Variants in TENM3 observed in about 807,000 individuals in gnomAD.
The protein encoded by TENM3 is teneurin-3.
A neutral mutation model predicts 255.1 loss-of-function variants in TENM3; 63 were observed. That is an observed-to-expected ratio of 0.25 (90% CI 0.20 to 0.30). TENM3 has a LOEUF of 0.30. TENM3 is among the 10% of genes least tolerant of loss of function. TENM3 has a pLI of 1.00. For missense variants in TENM3, 2,929 were observed against 3,461.1 expected (o/e 0.85, Z 3.86); for synonymous variants, 1,306 against 1,322.3 (o/e 0.99, Z 0.27).
chr4:181,520,777 G>A, the TENM3 span, among the ~76,000 whole-genome samples: 1 of 152,106 alleles, frequency 6.6e-6, no homozygotes, highest in Admixed American at 6.5e-5. Context: ...CCAAATGCAG[G>A]CTTTGGTGTA....
the TENM3 span, among the ~76,000 whole-genome samples, chr4:181,601,660 T>C: frequency 1.3e-5 from 2 of 152,208 alleles, no homozygotes; most frequent in African/African-American, 4.8e-5. Flanking sequence ...ATATATTGTT[T>C]AGTTTTAGTT....
At chr4:182,717,695 A>G (rs767618528) in intron 13 of TENM3, among the ~76,000 whole-genome samples, 10 of 152,230 alleles carry the variant, frequency 6.6e-5, no homozygotes, top group Non-Finnish European at 8.8e-5. Flanking sequence ...GGGCACGTAG[A>G]CACTTTGGGA....
intron 3 of TENM3, among the ~76,000 whole-genome samples, chr4:182,589,899 G>A (rs962670622): frequency 7.2e-5 from 11 of 152,046 alleles, no homozygotes; most frequent in Admixed American, 4.6e-4. Context: ...GCTTGTACCC[G>A]GGAGGCAGAA....
the TENM3 span, among the ~76,000 whole-genome samples, chr4:181,723,388 T>G: frequency 1.3e-5 from 2 of 151,720 alleles, no homozygotes; most frequent in Non-Finnish European, 2.9e-5. Flanking sequence ...TTTCTTCATT[T>G]TCATGATTTT....
intron 3 of TENM3, among the ~76,000 whole-genome samples, chr4:182,454,367 C>G (rs1773708029): frequency 6.6e-6 from 1 of 151,972 alleles, no homozygotes; most frequent in South Asian, 2.1e-4. Context: ...AAGTGTGTTT[C>G]ATACATCGAT....
chr4:181,735,837 CT>C, the TENM3 span, among the ~76,000 whole-genome samples: 1 of 152,106 alleles, frequency 6.6e-6, no homozygotes, highest in African/African-American at 2.4e-5. Context: ...AAAAATGTCT[CT>C]GATAACAAAT....
rs1764547725 is a variant in TENM3, at chr4:182,774,845, T to A, written c.5069-73T>A. ...AGTCAACTTTTAGAAATTTAGAACC[T>A]ATCTCACGGCACAACCGGCCAAGTA... On this transcript the variant is annotated intron_variant, in intron 23 of 27. Coordinates refer to ENST00000511685, the MANE Select transcript of TENM3 (RefSeq NM_001080477.4). The A allele has an allele frequency of 2.8e-6, 3 of 1,078,468 alleles. No homozygotes were observed. The African/African-American group carries it at 4.8e-5, about 17-fold the overall frequency. 66.8% of individuals were successfully genotyped at this position (1,078,468 alleles called of 1,614,324 possible).
intron 3 of TENM3, among the ~76,000 whole-genome samples, chr4:182,449,378 C>T (rs913342840): frequency 6.6e-6 from 1 of 152,198 alleles, no homozygotes; most frequent in African/African-American, 2.4e-5. Flanking sequence ...GGAGGCTGAA[C>T]TTTCTCGATG....
At chr4:181,644,669 C>T in the TENM3 span, among the ~76,000 whole-genome samples, 2 of 151,988 alleles carry the variant, frequency 1.3e-5, no homozygotes, top group African/African-American at 4.8e-5. Context: ...TGATCTATTT[C>T]ATCTGGCTTA....
At chr4:182,046,549 AAATAATAAT>A in the TENM3 span, among the ~76,000 whole-genome samples, 167 of 143,112 alleles carry the variant, frequency 1.2e-3, no homozygotes, top group Admixed American at 2.8e-3. Flanking sequence ...ACAAAAAACT[AAATAATAAT>A]AATAATAATA....
chr4:182,090,083 T>G, the TENM3 span, among the ~76,000 whole-genome samples: 3 of 152,364 alleles, frequency 2.0e-5, no homozygotes, highest in African/African-American at 7.2e-5. Flanking sequence ...CTGAAATTAT[T>G]TATTTGATAA....
the TENM3 span, among the ~76,000 whole-genome samples, chr4:181,951,372 A>G: frequency 6.6e-6 from 1 of 152,224 alleles, no homozygotes; most frequent in African/African-American, 2.4e-5. Flanking sequence ...AGCATATCAG[A>G]AGTGCTAGAA....
chr4:181,871,727 G>C, the TENM3 span, among the ~76,000 whole-genome samples: 2 of 152,046 alleles, frequency 1.3e-5, no homozygotes, highest in Non-Finnish European at 2.9e-5. Context: ...AGACTAAGGA[G>C]GTTCCTTTTT....
At chr4:182,083,342 C>A in the TENM3 span, among the ~76,000 whole-genome samples, 4 of 152,160 alleles carry the variant, frequency 2.6e-5, no homozygotes, top group African/African-American at 4.8e-5. Flanking sequence ...TATTATTAGG[C>A]AGACATTTCC....
At chr4:181,713,153 T>C in the TENM3 span, among the ~76,000 whole-genome samples, 1 of 152,084 alleles carries the variant, frequency 6.6e-6, no homozygotes, top group Non-Finnish European at 1.5e-5. Flanking sequence ...AAGTGAAAAA[T>C]AATTACAGGC....
the TENM3 span, among the ~76,000 whole-genome samples, chr4:181,579,396 A>G: frequency 7.7e-4 from 118 of 152,328 alleles, no homozygotes; most frequent in African/African-American, 2.7e-3. Flanking sequence ...TTGTAATTTA[A>G]GAAATCCTAG....
the TENM3 span, among the ~76,000 whole-genome samples, chr4:181,500,300 A>G: frequency 6.6e-6 from 1 of 150,872 alleles, no homozygotes; most frequent in East Asian, 2.0e-4. Flanking sequence ...AAGTGCTGGG[A>G]TTACAGGTGT....
chr4:182,515,643 A>G (rs1448489651), intron 3 of TENM3, among the ~76,000 whole-genome samples: 1 of 152,136 alleles, frequency 6.6e-6, no homozygotes, highest in Non-Finnish European at 1.5e-5. Flanking sequence ...CTTAATATCA[A>G]CCTCCTTAAG....
the TENM3 span, among the ~76,000 whole-genome samples, chr4:181,523,698 T>C: frequency 6.6e-6 from 1 of 152,188 alleles, no homozygotes; most frequent in South Asian, 2.1e-4. Context: ...CCAAATGTGT[T>C]TCCTTAAAGC....
Sources: allele counts gnomAD v4.1 joint callset (sites outside exome capture counted in the v4.1 genomes callset), GRCh38; gene constraint gnomAD v4.1.1; transcripts MANE v1.5; gene names NCBI Gene and HGNC (gene_info 2026-07-23, HGNC 2026-07-21).